Variants in APOL4 observed in about 807,000 individuals in gnomAD.
APOL4 encodes apolipoprotein L4.
Under a neutral mutation model 12.1 loss-of-function variants are expected in APOL4, and 14 were observed. The ratio of observed to expected loss-of-function variants is 1.16; its 90% confidence interval spans 0.76 to 1.81. The LOEUF (loss-of-function observed/expected upper bound fraction) is 1.81, where lower values mean the gene tolerates loss of function less well. APOL4 is among the 40% of genes most tolerant of loss of function. APOL4 has a pLI of 0.00. For missense variants in APOL4, 432 were observed against 423.1 expected (o/e 1.02, Z -0.18); for synonymous variants, 171 against 160.6 (o/e 1.06, Z -0.49).
chr22:36,192,004 T>C (rs1043059423), intron 3 of APOL4, 92 bp from the exon 4 acceptor site: 2 of 1,168,286 alleles, frequency 1.7e-6, no homozygotes, highest in African/African-American at 3.1e-5. Flanking sequence ...ATCACAGAGC[T>C]GTTTCTATAA....
chr22:36,196,202 G>T (rs1178214110), intron 2 of APOL4, among the ~76,000 whole-genome samples: 1 of 152,124 alleles, frequency 6.6e-6, no homozygotes, highest in African/African-American at 2.4e-5. Flanking sequence ...ACCCATCAGT[G>T]GGTTATGACA....
chr22:36,196,281 C>T (rs1030808025), intron 2 of APOL4, among the ~76,000 whole-genome samples: 1 of 152,152 alleles, frequency 6.6e-6, no homozygotes, highest in African/African-American at 2.4e-5. Flanking sequence ...GTATATTGAA[C>T]ATAGCAAGAG....
At chr22:36,199,293 G>T in intron 2 of APOL4, 37 bp downstream of exon 2, 1 of 1,613,660 alleles carries the variant, frequency 6.2e-7, no homozygotes, top group Non-Finnish European at 8.5e-7. Context: ...GGAAGAGGAG[G>T]CGAGCCTACC....
chr22:36,195,545 G>A (rs2014380054), intron 2 of APOL4, 108 bp from the exon 3 acceptor site: 4 of 1,317,574 alleles, frequency 3.0e-6, no homozygotes, highest in African/African-American at 1.5e-5. Context: ...CTGTCACATG[G>A]GGTATTTTTG....
At chr22:36,198,713 A>T (rs1328326252) in intron 2 of APOL4, among the ~76,000 whole-genome samples, 1 of 152,188 alleles carries the variant, frequency 6.6e-6, no homozygotes, top group African/African-American at 2.4e-5. Flanking sequence ...TCCTCATGAC[A>T]ACATGGGCAA....
Position 36,191,246 on chromosome 22 carries a change from G to A in APOL4, c.876C>T (p.Ala292=), listed in dbSNP as rs1363124399. Residue 292 remains alanine, a synonymous_variant, in exon 4 of 4, where the codon GCC becomes GCT. Transcript: ENST00000683024. ...CCAGCACAACAAGGACACCTGAAGT[G>A]GCCTTGCCCAGGTTCCGGGCTACTT... ...VRKVARNLGK[A]TSGVLVVLDV... is the part of the protein sequence containing the mutation. 3 of 1,614,024 alleles carry A rather than the reference G, an allele frequency of 1.9e-6. No homozygotes were observed. Among genetic ancestry groups the A allele is most frequent in the Non-Finnish European group, 1.7e-6 (2 of 1,179,900 alleles).
chr22:36,201,352 C>T (rs1316516011), intron 1 of APOL4, among the ~76,000 whole-genome samples: 1 of 150,330 alleles, frequency 6.7e-6, no homozygotes, highest in African/African-American at 2.5e-5. Context: ...CATACTAAAG[C>T]CCCCTCCTCA....
At position 36,191,093 on chromosome 22, in the gene APOL4, C is replaced by A; in HGVS notation, c.1029G>T (p.Gln343His). The A allele has an allele frequency of 6.2e-7, 1 of 1,604,130 alleles. No individual in the cohort carries two copies. The highest frequency in any genetic ancestry group is 8.5e-7 in the Non-Finnish European group (1 of 1,174,886). ...ATTGGGCCTAGCCTGCTTTTAGACTCTGATGGATATGGGTGAGCTCATTGA... is the reference window on the plus strand; with the variant it reads ...ATTGGGCCTAGCCTGCTTTTAGACTATGATGGATATGGGTGAGCTCATTGA... ...ENLNELTHIH[Q>H]SLKAG Residue 343 changes from glutamine (Q) to histidine (H), a missense_variant, in exon 4 of 4, where the codon CAG (glutamine) becomes CAT (histidine). Coordinates refer to ENST00000683024, the MANE Select transcript of APOL4 (RefSeq NM_001386885.1).
chr22:36,197,928 C>T, intron 2 of APOL4: 1 of 1,419,904 alleles, frequency 7.0e-7, no homozygotes, highest in Non-Finnish European at 9.2e-7. Context: ...ATCATACCCT[C>T]CTTGTCCCAC....
chr22:36,199,499 C>T, intron 1 of APOL4, 123 bp from the exon 2 acceptor site: 3 of 1,611,544 alleles, frequency 1.9e-6, no homozygotes, highest in Middle Eastern at 1.7e-4. Flanking sequence ...ACCAACCTAA[C>T]CCAGATTCTT....
upstream of APOL4, chr22:36,202,210 G>A: frequency 1.0e-6 from 1 of 987,876 alleles, no homozygotes; most frequent in Non-Finnish European, 1.5e-6. Context: ...GGGCTCAAGT[G>A]ATCTTCCTCC....
intron 2 of APOL4, among the ~76,000 whole-genome samples, chr22:36,196,108 G>C (rs914878829): frequency 6.6e-6 from 1 of 152,180 alleles, no homozygotes; most frequent in Non-Finnish European, 1.5e-5. Flanking sequence ...CCCCATGTAC[G>C]GGAAATATTC....
At chr22:36,200,113 G>A (rs1603478554) in intron 1 of APOL4, among the ~76,000 whole-genome samples, 2 of 152,110 alleles carry the variant, frequency 1.3e-5, no homozygotes, top group African/African-American at 2.4e-5. Flanking sequence ...GGCCTGTGAT[G>A]TGCAGGGCTT....
In APOL4 at chr22:36,191,782, A is replaced by G; in HGVS notation, c.340T>C (p.Trp114Arg). The G allele has an allele frequency of 2.5e-6, 4 of 1,599,738 alleles. No homozygotes were observed. Among genetic ancestry groups the G allele is most frequent in the Non-Finnish European group, 3.4e-6 (4 of 1,171,766 alleles). ...CTTTCTATGGACTCCTGAATCTTCCATCTGATTTGAGGAAACTCTTTCAAA... is the reference window on the plus strand; with the variant it reads ...CTTTCTATGGACTCCTGAATCTTCCGTCTGATTTGAGGAAACTCTTTCAAA... ...WFLKEFPQIR[W>R]KIQESIERLR... Residue 114 changes from tryptophan to arginine, a missense_variant, in exon 4 of 4, where the codon TGG becomes CGG. Transcript: ENST00000683024.
In APOL4 at chr22:36,197,514, T is replaced by C. The variant is rs1056864672; in HGVS notation, c.82+1816A>G. The C allele has an allele frequency of 7.5e-6, 10 of 1,333,628 alleles. No homozygotes were observed. The African/African-American group carries it at 1.5e-4, about 20-fold the overall frequency. 82.6% of individuals were successfully genotyped at this position (1,333,628 alleles called of 1,614,324 possible). A position where few individuals can be genotyped will look rare whatever the true frequency, so the allele number is the denominator to read the frequency against. The stretch of plus-strand genomic sequence containing the variant: ...GGGATGGTGAATATTAAAGCAAAAT[T>C]AAAATAAAAACCAGACCTGAAACAT... On this transcript the variant is annotated intron_variant, in intron 2 of 3. Transcript: ENST00000683024.
rs2014589055 is a variant in APOL4, at chr22:36,201,776, G to C, written c.-42C>G. On this transcript the variant is annotated 5_prime_UTR_variant, in exon 1 of 4. Coordinates refer to ENST00000683024, the MANE Select transcript of APOL4 (RefSeq NM_001386885.1). ...TGGCCTGGCTCAGACGCTGATCTGG[G>C]GCCTCTGCTGAATGTTGAGGCTGGA... is the stretch of plus-strand genomic sequence containing the variant. The C allele has an allele frequency of 1.3e-6, 2 of 1,591,816 alleles. No individual in the cohort carries two copies. The highest frequency in any genetic ancestry group is 1.8e-5 in the Admixed American group (1 of 56,306).
intron 2 of APOL4, 35 bp downstream of exon 2, chr22:36,199,295 G>A (rs2146946317): frequency 1.9e-6 from 3 of 1,613,760 alleles, no homozygotes; most frequent in African/African-American, 1.3e-5. Flanking sequence ...AAGAGGAGGC[G>A]AGCCTACCAG....
chr22:36,193,029 A>G (rs1184319963), intron 3 of APOL4, among the ~76,000 whole-genome samples: 1 of 152,176 alleles, frequency 6.6e-6, no homozygotes, highest in Non-Finnish European at 1.5e-5. Context: ...GCACCGCCCC[A>G]GCTCAGCAAG....
intron 3 of APOL4, among the ~76,000 whole-genome samples, chr22:36,194,228 A>G (rs2014339393): frequency 6.6e-6 from 1 of 152,142 alleles, no homozygotes; most frequent in Non-Finnish European, 1.5e-5. Flanking sequence ...AAGGTTTCAA[A>G]TGGCAGCCCA....
Sources: allele counts gnomAD v4.1 joint callset (sites outside exome capture counted in the v4.1 genomes callset), GRCh38; gene constraint gnomAD v4.1.1; transcripts MANE v1.5; gene names NCBI Gene and HGNC (gene_info 2026-07-23, HGNC 2026-07-21).